TENM4: variants seen among roughly 807,000 people sequenced by gnomAD.
The protein encoded by TENM4 is teneurin transmembrane protein 4.
Under a neutral mutation model 243.3 loss-of-function variants are expected in TENM4, and 82 were observed. That is an observed-to-expected ratio of 0.34 (90% CI 0.28 to 0.40). The LOEUF (loss-of-function observed/expected upper bound fraction) is 0.40, where lower values mean the gene tolerates loss of function less well. Ranked by LOEUF, TENM4 falls within the 10% of genes least tolerant of loss-of-function variation. TENM4 has a pLI of 1.00. For synonymous variants in TENM4, 1,412 were observed against 1,456.3 expected, an observed-to-expected ratio of 0.97 and a Z score of 0.69; for missense variants, 3,138 against 3,673.3, an observed-to-expected ratio of 0.85 and a Z score of 3.77.
chr11:78,795,141 C>T (rs1356979550), intron 15 of TENM4, among the ~76,000 whole-genome samples: 5 of 152,138 alleles, frequency 3.3e-5, no homozygotes, highest in African/African-American at 9.7e-5. Flanking sequence ...ATGCCACCTC[C>T]TCCTTGAAAC....
At chr11:78,742,955 C>G (rs1191529572) in intron 19 of TENM4, among the ~76,000 whole-genome samples, 1 of 152,168 alleles carries the variant, frequency 6.6e-6, no homozygotes, top group Non-Finnish European at 1.5e-5. Context: ...TTGGAGTCAT[C>G]TGACCTCTCT....
chr11:78,760,021 T>C (rs1188964952), intron 18 of TENM4, among the ~76,000 whole-genome samples: 1 of 152,228 alleles, frequency 6.6e-6, no homozygotes, highest in African/African-American at 2.4e-5. Context: ...ACAACTTCCA[T>C]CACAGTACGT....
At chr11:78,683,751 G>T (rs544351569) in intron 29 of TENM4, among the ~76,000 whole-genome samples, 73 of 151,940 alleles carry the variant, frequency 4.8e-4, no homozygotes, top group African/African-American at 1.7e-3. Context: ...CGTCGCTCAC[G>T]CTGGGAGCTG....
intron 2 of TENM4, among the ~76,000 whole-genome samples, chr11:79,217,275 A>G (rs1864069493): frequency 6.6e-6 from 1 of 152,148 alleles, no homozygotes; most frequent in African/African-American, 2.4e-5. Flanking sequence ...AGGCCCTCAA[A>G]GACTCAAGGT....
chr11:78,763,213 C>T (rs1014036008), intron 18 of TENM4, among the ~76,000 whole-genome samples: 8 of 152,116 alleles, frequency 5.3e-5, no homozygotes, highest in South Asian at 2.1e-4. Flanking sequence ...ACTTTTTTCC[C>T]GGAAATTTCA....
chr11:79,227,395 G>A (rs1236550246), intron 2 of TENM4, among the ~76,000 whole-genome samples: 3 of 152,180 alleles, frequency 2.0e-5, no homozygotes, highest in Non-Finnish European at 4.4e-5. Flanking sequence ...TGGAAAGGTC[G>A]AGAGGGGTTT....
chr11:78,820,995 A>G (rs913670570), intron 12 of TENM4, among the ~76,000 whole-genome samples: 8 of 152,224 alleles, frequency 5.3e-5, no homozygotes, highest in African/African-American at 1.7e-4. Flanking sequence ...TTCTTTGCAG[A>G]CGATGGAATT....
At chr11:79,351,020 A>C (rs1857405757) in intron 1 of TENM4, among the ~76,000 whole-genome samples, 1 of 149,572 alleles carries the variant, frequency 6.7e-6, no homozygotes, top group Non-Finnish European at 1.5e-5. Context: ...CCCCGGCCAT[A>C]CTCTCCTTCC....
At chr11:78,984,387 A>G (rs1406687985) in intron 6 of TENM4, among the ~76,000 whole-genome samples, 1 of 152,204 alleles carries the variant, frequency 6.6e-6, no homozygotes, top group East Asian at 1.9e-4. Context: ...TTGGTGACAT[A>G]GTTTCCCCTC....
chr11:79,254,940 G>A (rs1411126472), intron 2 of TENM4, among the ~76,000 whole-genome samples: 3 of 152,146 alleles, frequency 2.0e-5, no homozygotes, highest in Non-Finnish European at 4.4e-5. Flanking sequence ...GCTTTTCCAT[G>A]CATCCTTGAG....
intron 6 of TENM4, among the ~76,000 whole-genome samples, chr11:78,933,197 A>C (rs2136428932): frequency 6.6e-6 from 1 of 152,250 alleles, no homozygotes; most frequent in Admixed American, 6.5e-5. Flanking sequence ...CCCTGGGACA[A>C]GTGAGAATCG....
At chr11:78,709,316 A>G (rs1859343725) in intron 26 of TENM4, among the ~76,000 whole-genome samples, 1 of 152,070 alleles carries the variant, frequency 6.6e-6, no homozygotes, top group African/African-American at 2.4e-5. Flanking sequence ...GATCATTACA[A>G]AACTACGGAA....
intron 1 of TENM4, among the ~76,000 whole-genome samples, chr11:79,395,621 A>G (rs1188939783): frequency 3.9e-5 from 6 of 152,186 alleles, no homozygotes; most frequent in Admixed American, 2.6e-4. Flanking sequence ...GGGGCTTTCT[A>G]TGGCTCCCAG....
intron 6 of TENM4, among the ~76,000 whole-genome samples, chr11:79,035,756 T>A (rs1859360259): frequency 6.6e-6 from 1 of 152,208 alleles, no homozygotes; most frequent in Non-Finnish European, 1.5e-5. Context: ...TTCCTACTTT[T>A]TGGTTCAAAA....
chr11:78,685,569 A>G (rs533560981), intron 29 of TENM4, among the ~76,000 whole-genome samples: 21 of 152,360 alleles, frequency 1.4e-4, no homozygotes, highest in Middle Eastern at 3.4e-3. Context: ...CCCTCTGCCT[A>G]AAAAGTTATT....
At position 78,670,144 on chromosome 11, in the gene TENM4, C is replaced by G. The variant is rs1241683116; in HGVS notation, c.6201G>C (p.Gln2067His). ...YRQIGPLIDR[Q>H]IFRFTEEGMV... ...TGCCTTCCTCAGTGAAGCGGAAGAT[C>G]TGTCGGTCAATCAGGGGCCCAATCT... The change falls in exon 32 of 34, where the codon CAG becomes CAC. Residue 2067 changes from glutamine to histidine, a missense_variant. By Grantham distance (24) the Gln-to-His change is conservative (BLOSUM62 0). Coordinates refer to ENST00000278550, the MANE Select transcript of TENM4 (RefSeq NM_001098816.3). The G allele has an allele frequency of 6.2e-7, 1 of 1,613,958 alleles. No homozygotes were observed. Among genetic ancestry groups the G allele is most frequent in the Non-Finnish European group, 8.5e-7 (1 of 1,179,902 alleles).
intron 2 of TENM4, among the ~76,000 whole-genome samples, chr11:79,241,186 TG>T (rs530259181): frequency 6.4e-4 from 97 of 152,154 alleles, no homozygotes; most frequent in African/African-American, 2.2e-3. Context: ...GAAGGCCTCC[TG>T]GGTTTAGACA....
intron 21 of TENM4, among the ~76,000 whole-genome samples, chr11:78,730,690 A>G (rs1344983961): frequency 6.6e-6 from 1 of 152,234 alleles, no homozygotes; most frequent in African/African-American, 2.4e-5. Context: ...GGAACATTAA[A>G]TCAATTGAGG....
intron 6 of TENM4, among the ~76,000 whole-genome samples, chr11:78,943,610 G>T (rs1294144430): frequency 6.6e-6 from 1 of 152,068 alleles, no homozygotes; most frequent in Non-Finnish European, 1.5e-5. Flanking sequence ...AATTTTCAAG[G>T]CATATTTAAA....
Sources: gnomAD v4.1 joint callset for allele counts (sites outside exome capture counted in the v4.1 genomes callset) on GRCh38, gnomAD v4.1.1 for gene constraint, MANE v1.5 for transcripts, NCBI Gene and HGNC (gene_info 2026-07-23, HGNC 2026-07-21) for gene names.